CACNB2: variants seen among roughly 807,000 people sequenced by gnomAD.
CACNB2 encodes the protein voltage-dependent L-type calcium channel subunit beta-2.
CACNB2 carries 42 observed loss-of-function variants against 73.3 expected under a neutral mutation model. The ratio of observed to expected loss-of-function variants is 0.57; its 90% CI spans 0.45 to 0.74. The LOEUF (loss-of-function observed/expected upper bound fraction) is 0.74, where lower values mean the gene tolerates loss of function less well. Ranked by LOEUF, CACNB2 falls within the 30% of genes least tolerant of loss-of-function variation. The pLI is 0.00. For missense variants in CACNB2, 940 were observed against 853.0 expected (o/e 1.10, Z -1.27); for synonymous variants, 348 against 310.3 (o/e 1.12, Z -1.28).
intron 3 of CACNB2, among the ~76,000 whole-genome samples, chr10:18,442,202 G>A (rs1453023486): frequency 1.3e-5 from 2 of 151,922 alleles, no homozygotes; most frequent in Non-Finnish European, 2.9e-5. Flanking sequence ...TAGGCTGGAG[G>A]ACAATGGCGC....
intron 2 of CACNB2, among the ~76,000 whole-genome samples, chr10:18,383,216 T>G (rs4748457): frequency 0.13 from 19,760 of 152,212 alleles, 1,410 homozygotes; most frequent in African/African-American, 0.16. Context: ...AGGATGTGTT[T>G]AAAGGCATAG....
chr10:18,257,695 G>A (rs7085933), intron 2 of CACNB2, among the ~76,000 whole-genome samples: 2 of 151,976 alleles, frequency 1.3e-5, no homozygotes, highest in Admixed American at 6.5e-5. Flanking sequence ...TTCCAGGGAT[G>A]GTTAGGAGTT....
chr10:18,273,363 G>GAAAAC (rs1021044625), intron 2 of CACNB2, among the ~76,000 whole-genome samples: 2 of 148,304 alleles, frequency 1.3e-5, no homozygotes, highest in African/African-American at 5.0e-5. Context: ...CTGTTTTCCA[G>GAAAAC]AAAACAAAAC....
chr10:18,451,301 G>T (rs2047010650), intron 3 of CACNB2, among the ~76,000 whole-genome samples: 1 of 152,200 alleles, frequency 6.6e-6, no homozygotes, highest in Non-Finnish European at 1.5e-5. Context: ...ATACCCAGCT[G>T]CAATTTTAAG....
intron 2 of CACNB2, among the ~76,000 whole-genome samples, chr10:18,296,991 C>T (rs7910756): frequency 0.09 from 13,699 of 152,194 alleles, 704 homozygotes; most frequent in African/African-American, 0.13. Context: ...TTTAAAACAA[C>T]ATGTAAAAAG....
At chr10:18,389,921 C>A (rs908346035) in intron 2 of CACNB2, among the ~76,000 whole-genome samples, 1 of 152,086 alleles carries the variant, frequency 6.6e-6, no homozygotes, top group African/African-American at 2.4e-5. Context: ...CTATTAATAT[C>A]CTTTATTTAT....
intron 3 of CACNB2, among the ~76,000 whole-genome samples, chr10:18,464,846 G>T (rs769418594): frequency 4.6e-5 from 7 of 152,336 alleles, no homozygotes; most frequent in Non-Finnish European, 8.8e-5. Context: ...GTATTTAGTG[G>T]TTAGAACATG....
rs150811777 is a variant in CACNB2 at position 18,434,682 on chromosome 10, T to G, written c.333+32639T>G. Among the ~76,000 whole-genome samples, 20 of 152,316 alleles carry G rather than the reference T, an allele frequency of 1.3e-4. No individual in the cohort carries two copies. The East Asian group carries it at 3.9e-3, about 29-fold the overall frequency. On this transcript the variant is annotated intron_variant, in intron 3 of 13. Transcript: ENST00000324631. ...TCCCAAAGTGCTGAGGTTATAGGCA[T>G]GAGTCATTGTGCCTGGCCCTAAAAA...
At chr10:18,220,230 TATAGAGAGAGAG>T (rs1401178100) in intron 2 of CACNB2, among the ~76,000 whole-genome samples, 54 of 34,444 alleles carry the variant, frequency 1.6e-3, no homozygotes, top group African/African-American at 8.0e-3. Flanking sequence ...TATATATATA[TATAGAGAGAGAG>T]AGAGAGAGAG....
chr10:18,303,296 A>C (rs539730198), intron 2 of CACNB2, among the ~76,000 whole-genome samples: 2 of 152,168 alleles, frequency 1.3e-5, no homozygotes, highest in Non-Finnish European at 2.9e-5. Flanking sequence ...TGAGCTGAGG[A>C]GTTCAAGAAC....
At position 18,438,049 on chromosome 10, in the gene CACNB2, G is replaced by A. The variant is rs541918333; in HGVS notation, c.333+36006G>A. Among the ~76,000 whole-genome samples, 296 of 101,936 alleles carry A rather than the reference G, an allele frequency of 2.9e-3. 2 individuals carry two copies. Among genetic ancestry groups the A allele is most frequent in the Middle Eastern group, 0.028 (2 of 72 alleles). The allele number at this position is 101,936 out of a possible 152,430, so 66.9% of individuals were successfully genotyped here. On this transcript the variant is annotated intron_variant, in intron 3 of 13. Coordinates refer to ENST00000324631, the MANE Select transcript of CACNB2 (RefSeq NM_201596.3). ...TTTTTTTTTTTTGAGATGAAGTCTCGCTCTGTCACCCAGGCTGGAATGCAG... is the reference window on the plus strand; with the variant it reads ...TTTTTTTTTTTTGAGATGAAGTCTCACTCTGTCACCCAGGCTGGAATGCAG...
rs999854499 is a variant in CACNB2 at position 18,526,499 on chromosome 10, A to G, written c.945-1089A>G. ...GGCTGTAACTGAAACAGACTTTTGAACCAAACTTTTCCTTTTCGCCCTAAC... is the reference window on the plus strand; with the variant it reads ...GGCTGTAACTGAAACAGACTTTTGAGCCAAACTTTTCCTTTTCGCCCTAAC... On this transcript the variant is annotated intron_variant, in intron 9 of 13. Coordinates refer to ENST00000324631, the MANE Select transcript of CACNB2 (RefSeq NM_201596.3). Among the ~76,000 whole-genome samples, 45 of 152,250 alleles carry G rather than the reference A, an allele frequency of 3.0e-4. 1 individual carries two copies. The highest frequency in any genetic ancestry group is 1.5e-3 in the South Asian group (7 of 4,824).
intron 2 of CACNB2, among the ~76,000 whole-genome samples, chr10:18,258,198 C>A (rs1015286575): frequency 6.6e-6 from 1 of 152,172 alleles, no homozygotes; most frequent in African/African-American, 2.4e-5. Context: ...TTTGTGGATT[C>A]TTGAATGACA....
At chr10:18,446,138 G>C (rs1045374232) in intron 3 of CACNB2, among the ~76,000 whole-genome samples, 5 of 152,162 alleles carry the variant, frequency 3.3e-5, no homozygotes, top group African/African-American at 1.2e-4. Flanking sequence ...TAAAGAAACA[G>C]CCACAGCCAG....
At chr10:18,172,744 A>T (rs1043491168) in intron 2 of CACNB2, among the ~76,000 whole-genome samples, 3 of 152,018 alleles carry the variant, frequency 2.0e-5, no homozygotes, top group African/African-American at 7.2e-5. Context: ...GACAAGTATA[A>T]GACTAGCATG....
chr10:18,500,585 C>T (rs948937496), intron 4 of CACNB2, among the ~76,000 whole-genome samples: 12 of 152,152 alleles, frequency 7.9e-5, no homozygotes, highest in African/African-American at 1.7e-4. Flanking sequence ...CCTGGTCCTA[C>T]GGCAGCACCA....
At chr10:18,465,672 C>T (rs1016538862) in intron 3 of CACNB2, among the ~76,000 whole-genome samples, 11 of 150,988 alleles carry the variant, frequency 7.3e-5, no homozygotes, top group Middle Eastern at 3.2e-3. Flanking sequence ...AGTACGTCAT[C>T]CAACTTCTTC....
intron 2 of CACNB2, among the ~76,000 whole-genome samples, chr10:18,236,900 A>G (rs533887359): frequency 3.3e-5 from 5 of 152,294 alleles, no homozygotes; most frequent in East Asian, 1.9e-4. Flanking sequence ...TGGCTTATCT[A>G]TAGGGAATAT....
intron 2 of CACNB2, among the ~76,000 whole-genome samples, chr10:18,161,999 A>G (rs1177661604): frequency 1.3e-5 from 2 of 152,194 alleles, no homozygotes; most frequent in East Asian, 3.9e-4. Context: ...CATGACAGCC[A>G]TGAATAGACA....
Sources: allele counts gnomAD v4.1 joint callset (sites outside exome capture counted in the v4.1 genomes callset), GRCh38; gene constraint gnomAD v4.1.1; transcripts MANE v1.5; gene names NCBI Gene and HGNC (gene_info 2026-07-23, HGNC 2026-07-21).